The following RIMBP2 variants were observed in gnomAD, a reference collection of about 807,000 sequenced individuals.
RIMBP2 encodes the protein RIMS binding protein 2.
RIMBP2 carries 48 observed loss-of-function variants against 118.6 expected under a neutral mutation model. The observed-to-expected ratio is 0.40, with a 90% confidence interval of 0.32 to 0.51. RIMBP2 has a LOEUF of 0.51. Ranked by LOEUF, RIMBP2 falls within the 20% of genes least tolerant of loss-of-function variation. The pLI is 0.41. For missense variants in RIMBP2, 1,551 were observed against 1,768.3 expected (o/e 0.88, Z 2.20); for synonymous variants, 762 against 742.9 (o/e 1.03, Z -0.42).
Position 130,450,634 on chromosome 12 carries a change from G to A in RIMBP2, c.505-358C>T, listed in dbSNP as rs1273259450. Among the ~76,000 whole-genome samples, 3 of 129,234 alleles carry A rather than the reference G, an allele frequency of 2.3e-5. No individual in the cohort carries two copies. The highest frequency in any genetic ancestry group is 8.8e-5 in the African/African-American group (3 of 34,140). The allele number at this position is 129,234 out of a possible 152,430, so 84.8% of individuals were successfully genotyped here. A position where few individuals can be genotyped will look rare whatever the true frequency, so the allele number is the denominator to read the frequency against. ...GGGTAAAATTAAGCAGTATGTGCAC[G>A]ACCCCCCAGTGATCCCACTCTCACT... On this transcript the variant is annotated intron_variant, in intron 8 of 22. Coordinates refer to ENST00000690449, the MANE Select transcript of RIMBP2 (RefSeq NM_001393629.1). The surrounding 1 kb of genome is among the most constrained non-coding windows in gnomAD (Gnocchi z 4.8).
At chr12:130,656,042 G>A (rs896724449) in intron 1 of RIMBP2, among the ~76,000 whole-genome samples, 1 of 152,238 alleles carries the variant, frequency 6.6e-6, no homozygotes, top group African/African-American at 2.4e-5. Flanking sequence ...CAGCAAGGCC[G>A]GCCTGCAGGC....
chr12:130,606,137 A>G (rs1401478847), intron 2 of RIMBP2, among the ~76,000 whole-genome samples: 2 of 152,212 alleles, frequency 1.3e-5, no homozygotes, highest in Non-Finnish European at 2.9e-5. Flanking sequence ...AACTTTTTGA[A>G]AGTATGAACA....
At chr12:130,633,158 C>T (rs573613118) in intron 1 of RIMBP2, among the ~76,000 whole-genome samples, 109 of 152,322 alleles carry the variant, frequency 7.2e-4, no homozygotes, top group African/African-American at 2.6e-3. Context: ...CAACTAACAG[C>T]GGACCTACAT....
At chr12:130,506,408 T>A (rs2050357998) in intron 4 of RIMBP2, among the ~76,000 whole-genome samples, 1 of 152,096 alleles carries the variant, frequency 6.6e-6, no homozygotes, top group Admixed American at 6.6e-5. Context: ...GTGTTTAACA[T>A]CCTAAAAAAT....
chr12:130,711,830 G>A (rs941726141), intron 1 of RIMBP2, among the ~76,000 whole-genome samples: 1 of 152,184 alleles, frequency 6.6e-6, no homozygotes, highest in Non-Finnish European at 1.5e-5. Context: ...TTTCGTCACT[G>A]AGCGCACCTC....
intron 2 of RIMBP2, among the ~76,000 whole-genome samples, chr12:130,560,974 C>G (rs2056775626): frequency 1.3e-5 from 2 of 152,168 alleles, no homozygotes; most frequent in Non-Finnish European, 2.9e-5. Flanking sequence ...AGGGTGGGCC[C>G]CTGACTTAAT....
chr12:130,584,775 C>T (rs919259794), intron 2 of RIMBP2, among the ~76,000 whole-genome samples: 3 of 152,238 alleles, frequency 2.0e-5, no homozygotes, highest in Non-Finnish European at 2.9e-5. Flanking sequence ...ATCATCATCA[C>T]CTTCATCACT....
At chr12:130,466,938 T>C (rs2080533425) in intron 6 of RIMBP2, among the ~76,000 whole-genome samples, 3 of 152,244 alleles carry the variant, frequency 2.0e-5, no homozygotes, top group African/African-American at 4.8e-5. Context: ...AAATTGTGTA[T>C]TCAGTGAAAG....
intron 1 of RIMBP2, among the ~76,000 whole-genome samples, chr12:130,698,396 G>A (rs1356002802): frequency 6.6e-6 from 1 of 152,190 alleles, no homozygotes; most frequent in East Asian, 1.9e-4. Flanking sequence ...TGACCTGTCA[G>A]GAAGGGACAA....
At chr12:130,462,342 C>A (rs1250717153) in intron 6 of RIMBP2, among the ~76,000 whole-genome samples, 1 of 152,164 alleles carries the variant, frequency 6.6e-6, no homozygotes, top group Non-Finnish European at 1.5e-5. Context: ...AGGATCCCAC[C>A]CAGGGGTGGC....
chr12:130,711,267 A>T (rs1398414661), intron 1 of RIMBP2, among the ~76,000 whole-genome samples: 1 of 152,180 alleles, frequency 6.6e-6, no homozygotes, highest in African/African-American at 2.4e-5. Context: ...GAAGCTATCC[A>T]GCCTCTCACA....
intron 2 of RIMBP2, among the ~76,000 whole-genome samples, chr12:130,572,120 T>G (rs2057718718): frequency 7.9e-6 from 1 of 126,218 alleles, no homozygotes; most frequent in South Asian, 2.6e-4. Flanking sequence ...CCACCCCCAG[T>G]GCGTGAAACA....
intron 2 of RIMBP2, among the ~76,000 whole-genome samples, chr12:130,542,433 T>C (rs1445262448): frequency 6.6e-6 from 1 of 152,208 alleles, no homozygotes; most frequent in Non-Finnish European, 1.5e-5. Flanking sequence ...GAATCTGAGA[T>C]GAGTTTTTAT....
chr12:130,579,279 C>T (rs994936546), intron 2 of RIMBP2, among the ~76,000 whole-genome samples: 1 of 152,148 alleles, frequency 6.6e-6, no homozygotes, highest in Admixed American at 6.5e-5. Flanking sequence ...GTGGTTTGGA[C>T]TAGGTGTCTG....
intron 16 of RIMBP2, among the ~76,000 whole-genome samples, chr12:130,423,314 G>T (rs1478205401): frequency 1.3e-5 from 2 of 152,218 alleles, no homozygotes; most frequent in African/African-American, 2.4e-5. Context: ...GGCAGGGGAG[G>T]CTGCGGGCTG....
intron 2 of RIMBP2, among the ~76,000 whole-genome samples, chr12:130,596,721 A>T (rs1415895716): frequency 6.6e-6 from 1 of 152,214 alleles, no homozygotes; most frequent in Admixed American, 6.5e-5. Context: ...AGAGCCCCTA[A>T]CAGCCCCACT....
chr12:130,629,938 AAGAG>A (rs1156334284), intron 1 of RIMBP2, among the ~76,000 whole-genome samples: 1 of 150,232 alleles, frequency 6.7e-6, no homozygotes, highest in Non-Finnish European at 1.5e-5. Context: ...TAAAACCCAG[AAGAG>A]AGAGAGATCA....
At chr12:130,674,032 C>T (rs981766638) in intron 1 of RIMBP2, among the ~76,000 whole-genome samples, 2 of 151,940 alleles carry the variant, frequency 1.3e-5, no homozygotes, top group Non-Finnish European at 2.9e-5. Flanking sequence ...GCAGGAGAAT[C>T]GCTTGAACCT....
Position 130,428,304 on chromosome 12 carries a change from C to G in RIMBP2, c.2287G>C (p.Glu763Gln), listed in dbSNP as rs1379196081. 7 of 1,612,634 alleles carry G rather than the reference C, an allele frequency of 4.3e-6. No individual in the cohort carries two copies. Among genetic ancestry groups the G allele is most frequent in the South Asian group, 1.1e-5 (1 of 90,720 alleles). ...GAGAGGTCAGACCCCCGGCTGCTCTCTGTGTGGTACTCGTCTCCATGGCAA... is the reference window on the plus strand; with the variant it reads ...GAGAGGTCAGACCCCCGGCTGCTCTGTGTGTGGTACTCGTCTCCATGGCAA... The part of the protein sequence containing the change: ...HCCHGDEYHT[E>Q]SSRGSDLSDI... Residue 763 changes from glutamate to glutamine, a missense_variant, in exon 15 of 23, where the codon GAG (glutamate) becomes CAG (glutamine). Transcript: ENST00000690449.
Sources: allele counts gnomAD v4.1 joint callset (sites outside exome capture counted in the v4.1 genomes callset), GRCh38; gene constraint gnomAD v4.1.1; non-coding constraint Gnocchi (gnomAD v3.1); transcripts MANE v1.5; gene names NCBI Gene and HGNC (gene_info 2026-07-23, HGNC 2026-07-21).